Variants in SMYD4 observed in about 807,000 individuals in gnomAD.
The protein encoded by SMYD4 is SET and MYND domain containing 4.
In SMYD4, 68 loss-of-function variants were observed where a neutral mutation model predicts 72.8. That is an observed-to-expected ratio of 0.93 (90% CI 0.77 to 1.14). The LOEUF (loss-of-function observed/expected upper bound fraction) is 1.14, where lower values mean the gene tolerates loss of function less well. Among genes scored for constraint, SMYD4 ranks in the 50% most tolerant of loss-of-function variants. SMYD4 has a pLI of 0.00. For missense variants in SMYD4, 984 were observed against 1,003.7 expected (o/e 0.98, Z 0.27); for synonymous variants, 407 against 388.6 (o/e 1.05, Z -0.56).
rs543589261 is a variant in SMYD4, at chr17:1,787,109, C to T, written c.1721-136G>A. 2.6e-6 allele frequency: 3 copies of T among 1,171,756 alleles called. No homozygotes were observed. In the East Asian group the frequency reaches 7.7e-5, roughly 30 times the overall value. The allele number at this position is 1,171,756 out of a possible 1,614,324, so 72.6% of individuals were successfully genotyped here. On this transcript the variant is annotated intron_variant, in intron 6 of 10. Transcript: ENST00000305513. ...AACCTTTACCCAAATATTTGTGGAACTGGATACTAAAATAAGCTTCCAAGT... is the reference window on the plus strand; with the variant it reads ...AACCTTTACCCAAATATTTGTGGAATTGGATACTAAAATAAGCTTCCAAGT...
chr17:1,819,541 G>C (rs946191578), intron 2 of SMYD4, among the ~76,000 whole-genome samples: 2 of 152,006 alleles, frequency 1.3e-5, no homozygotes, highest in African/African-American at 4.8e-5. Context: ...ATACTCTATA[G>C]GGCCATACTT....
intron 10 of SMYD4, chr17:1,782,830 G>A (rs1016631140): frequency 1.8e-5 from 10 of 566,522 alleles, no homozygotes; most frequent in African/African-American, 1.2e-4. Context: ...GCAGTGGCGC[G>A]ATCTTGGCTC....
chr17:1,819,013 T>TG (rs1263902390), intron 2 of SMYD4, among the ~76,000 whole-genome samples: 1 of 152,076 alleles, frequency 6.6e-6, no homozygotes, highest in Non-Finnish European at 1.5e-5. Flanking sequence ...TTTCACATTC[T>TG]GGTTTCGCTT....
intron 2 of SMYD4, chr17:1,814,877 T>C (rs1449678868): frequency 6.6e-6 from 1 of 152,132 alleles, no homozygotes; most frequent in Non-Finnish European, 1.5e-5. Context: ...CTACATTTAC[T>C]CCAGTCCAGA....
At position 1,780,397 on chromosome 17, in the gene SMYD4, T is replaced by G. The variant is rs1908301159; in HGVS notation, c.*889A>C. On this transcript the variant is annotated 3_prime_UTR_variant, in exon 11 of 11. Transcript: ENST00000305513. ...GCTCGGTGAACTAAAAAAACTTTTT[T>G]GTAGTGATACGGTCTCACTATATTG... The G allele has an allele frequency of 6.6e-6, 1 of 152,146 alleles. No homozygotes were observed. Among genetic ancestry groups the G allele is most frequent in the African/African-American group, 2.4e-5 (1 of 41,434 alleles). The allele number at this position is 152,146 out of a possible 1,614,324, so 9.4% of individuals were successfully genotyped here.
chr17:1,817,964 G>A (rs932855894), intron 2 of SMYD4, among the ~76,000 whole-genome samples: 6 of 148,074 alleles, frequency 4.1e-5, no homozygotes, highest in Non-Finnish European at 7.4e-5. Context: ...GGAGAATGGC[G>A]TGAACCCGGG....
chr17:1,795,450 T>C (rs990192277), intron 5 of SMYD4, among the ~76,000 whole-genome samples: 3 of 148,868 alleles, frequency 2.0e-5, no homozygotes, highest in African/African-American at 7.5e-5. Context: ...TATCTAATCA[T>C]CTATCTATCT....
At chr17:1,782,881 ATGTT>A (rs987722485) in intron 10 of SMYD4, 150 bp downstream of exon 10, 2 of 1,218,614 alleles carry the variant, frequency 1.6e-6, no homozygotes, top group Middle Eastern at 2.4e-4. Flanking sequence ...CTAAAGCGTT[ATGTT>A]TGTTAGCAAA....
chr17:1,805,213 T>A (rs371414412), intron 3 of SMYD4, among the ~76,000 whole-genome samples: 8 of 151,870 alleles, frequency 5.3e-5, no homozygotes, highest in East Asian at 1.9e-4. Context: ...GGCCAGGAGT[T>A]CGAGACCAGC....
chr17:1,793,090 G>C (rs2083858218), intron 5 of SMYD4, among the ~76,000 whole-genome samples: 1 of 152,012 alleles, frequency 6.6e-6, no homozygotes, highest in Non-Finnish European at 1.5e-5. Flanking sequence ...GCTAATTTTT[G>C]TATTTTTGTA....
chr17:1,800,096 TC>T lies in SMYD4; in HGVS notation c.1297del (p.Glu433LysfsTer22), dbSNP rs768351371. ...GAATTTGTGCTCTGGGCTATGGTTTTCAGTGTGGGGCAAAAGGTTGAAGACA... is the reference window on the plus strand; with the variant it reads ...GAATTTGTGCTCTGGGCTATGGTTTTAGTGTGGGGCAAAAGGTTGAAGACA... ...NAVFNLLPHT[E>X]NHSPEHKFLC... is the part of the protein sequence containing the mutation. On this transcript the variant is annotated frameshift_variant, in exon 5 of 11. Coordinates refer to ENST00000305513, the MANE Select transcript of SMYD4 (RefSeq NM_052928.3). LOFTEE classifies it high-confidence loss of function. The T allele has an allele frequency of 9.9e-6, 16 of 1,611,238 alleles. No homozygotes were observed. In the South Asian group the frequency reaches 1.8e-4, roughly 18 times the overall value.
At position 1,787,520 on chromosome 17, in the gene SMYD4, G is replaced by A; in HGVS notation, c.1622C>T (p.Ser541Phe). The part of the protein sequence containing the change: ...IFPVISLLNH[S>F]CSPNTSVSFI... ...GGACACGCTGGTGTTGGGGCTACAG[G>A]AGTGGTTCAGGAGGCTGATAACAGG... The change falls in exon 6 of 11, where the codon TCC (serine) becomes TTC (phenylalanine). Residue 541 changes from serine to phenylalanine, a missense_variant. Transcript: ENST00000305513. The A allele has an allele frequency of 6.3e-7, 1 of 1,590,588 alleles. No individual in the cohort carries two copies. The highest frequency in any genetic ancestry group is 8.6e-7 in the Non-Finnish European group (1 of 1,168,684).
chr17:1,785,776 GA>G (rs1333271491), intron 7 of SMYD4, among the ~76,000 whole-genome samples: 909 of 13,902 alleles, frequency 0.065, 10 homozygotes, highest in African/African-American at 0.14. Context: ...AAAAAAAAAA[GA>G]AAAAAAAAAA....
chr17:1,818,497 C>T (rs1476578421), intron 2 of SMYD4, among the ~76,000 whole-genome samples: 3 of 152,088 alleles, frequency 2.0e-5, no homozygotes, highest in Non-Finnish European at 2.9e-5. Flanking sequence ...AAAAAATTAA[C>T]AGTAATTCAA....
intron 7 of SMYD4, among the ~76,000 whole-genome samples, chr17:1,785,030 G>A (rs867857624): frequency 5.4e-5 from 8 of 148,850 alleles, no homozygotes; most frequent in South Asian, 2.1e-4. Flanking sequence ...CTCATGATCC[G>A]CTCGCCTCAG....
chr17:1,781,514 C>T, intron 10 of SMYD4, 75 bp from the exon 11 acceptor site: 1 of 1,498,566 alleles, frequency 6.7e-7, no homozygotes, highest in Non-Finnish European at 9.1e-7. Context: ...TACTCACACA[C>T]CGTGAAGAAT....
rs189147542 is a variant in SMYD4 at position 1,780,130 on chromosome 17, C to G, written c.*1156G>C. On this transcript the variant is annotated 3_prime_UTR_variant, in exon 11 of 11. Transcript: ENST00000305513. ...AAAATAGGTGTCTCTCTGACTGCAA[C>G]GGTTTGAGTCCTCCTCAGCCCTCAT... 6.6e-6 allele frequency: 1 copy of G among 152,326 alleles called. No homozygotes were observed. Among genetic ancestry groups the G allele is most frequent in the East Asian group, 1.9e-4 (1 of 5,190 alleles). The allele number at this position is 152,326 out of a possible 1,614,324, so 9.4% of individuals were successfully genotyped here.
At chr17:1,803,060 T>G (rs1909851551) in intron 4 of SMYD4, among the ~76,000 whole-genome samples, 2 of 152,320 alleles carry the variant, frequency 1.3e-5, no homozygotes, top group South Asian at 4.1e-4. Flanking sequence ...GGAGAATCGT[T>G]GAACCCGGGA....
chr17:1,800,721 TCTC>T lies in SMYD4; in HGVS notation c.670_672del (p.Glu224del). 6.2e-7 allele frequency: 1 copy of T among 1,614,198 alleles called. No individual in the cohort carries two copies. On this transcript the variant is annotated inframe_deletion, in exon 5 of 11. Coordinates refer to ENST00000305513, the MANE Select transcript of SMYD4 (RefSeq NM_052928.3). ...GATGAGGCATTGGAAAGTTGTTCAT[TCTC>T]CTCCCTCAGCGCTGCATCCTCAAGG...
Sources: gnomAD v4.1 joint callset for allele counts (sites outside exome capture counted in the v4.1 genomes callset) on GRCh38, gnomAD v4.1.1 for gene constraint, MANE v1.5 for transcripts, NCBI Gene and HGNC (gene_info 2026-07-23, HGNC 2026-07-21) for gene names.